ADGRL4: variants seen among roughly 807,000 people sequenced by gnomAD.
ADGRL4 encodes the protein adhesion G protein-coupled receptor L4.
ADGRL4 carries 90 observed loss-of-function variants against 74.8 expected under a neutral mutation model. The observed-to-expected ratio is 1.20, with a 90% CI of 1.02 to 1.43. ADGRL4 has a LOEUF of 1.43. ADGRL4 is among the 40% of genes most tolerant of loss of function. The pLI is 0.00. For missense variants in ADGRL4, 881 were observed against 814.3 expected (o/e 1.08, Z -1.00); for synonymous variants, 311 against 279.2 (o/e 1.11, Z -1.14).
rs1032280430 is a variant in ADGRL4, at chr1:79,006,648, G to A, written c.7C>T (p.Arg3Cys). MK[R>C]LPLLVVFSTL... ...GAGCACTCACCTAGGAGCGGGAGGCGTTTCATTGGCGGTGGCCGCAGTGGT... is the reference window on the plus strand; with the variant it reads ...GAGCACTCACCTAGGAGCGGGAGGCATTTCATTGGCGGTGGCCGCAGTGGT... Residue 3 changes from arginine to cysteine, a missense_variant, in exon 1 of 15, where the codon CGC becomes TGC. Coordinates refer to ENST00000370742, the MANE Select transcript of ADGRL4 (RefSeq NM_022159.4). The A allele has an allele frequency of 2.0e-6, 3 of 1,515,572 alleles. 1 individual carries two copies. The highest frequency in any genetic ancestry group is 2.5e-5 in the South Asian group (2 of 80,242). The allele number at this position is 1,515,572 out of a possible 1,614,324, so 93.9% of individuals were successfully genotyped here. A position where few individuals can be genotyped will look rare whatever the true frequency, so the allele number is the denominator to read the frequency against.
chr1:78,892,575 A>T (rs1648306031), intron 13 of ADGRL4, among the ~76,000 whole-genome samples: 1 of 152,156 alleles, frequency 6.6e-6, no homozygotes, highest in Admixed American at 6.6e-5. Flanking sequence ...ACATTTATTA[A>T]ATCCCAACTA....
rs575214490 is a variant in ADGRL4 at position 78,929,661 on chromosome 1, G to T, written c.878-2570C>A. Among the ~76,000 whole-genome samples the T allele has an allele frequency of 2.0e-5, 3 of 151,576 alleles. No homozygotes were observed. The South Asian group carries it at 6.2e-4, about 31-fold the overall frequency. On this transcript the variant is annotated intron_variant, in intron 7 of 14. Coordinates refer to ENST00000370742, the MANE Select transcript of ADGRL4 (RefSeq NM_022159.4). ...AAATACTTGCAGACATCATTGAGAG[G>T]GTTTGATCAATGTGTTAGATTTGTC...
intron 2 of ADGRL4, among the ~76,000 whole-genome samples, chr1:78,963,301 T>C (rs930972157): frequency 6.6e-6 from 1 of 152,172 alleles, no homozygotes; most frequent in African/African-American, 2.4e-5. Context: ...GTATAATAGG[T>C]AATCAAAAAT....
intron 2 of ADGRL4, among the ~76,000 whole-genome samples, chr1:78,986,555 A>G (rs1015647091): frequency 5.3e-5 from 8 of 151,776 alleles, no homozygotes; most frequent in African/African-American, 1.9e-4. Context: ...AGGCTGAAGT[A>G]AGCTATGGTT....
intron 2 of ADGRL4, among the ~76,000 whole-genome samples, chr1:78,999,000 AT>A (rs556944803): frequency 1.4e-3 from 218 of 152,264 alleles, no homozygotes; most frequent in Middle Eastern, 6.8e-3. Context: ...TCAATATATA[AT>A]TTTTTTATTA....
intron 12 of ADGRL4, among the ~76,000 whole-genome samples, chr1:78,904,260 T>C (rs1648583564): frequency 6.6e-6 from 1 of 152,070 alleles, no homozygotes; most frequent in African/African-American, 2.4e-5. Flanking sequence ...ACAGATTTAA[T>C]GTATTTTTGA....
intron 2 of ADGRL4, among the ~76,000 whole-genome samples, chr1:78,979,080 T>A (rs1570268536): frequency 1.3e-5 from 2 of 151,948 alleles, no homozygotes; most frequent in Admixed American, 1.3e-4. Flanking sequence ...TCCTGCATGA[T>A]TCTCTCCCTA....
At chr1:78,915,545 T>C (rs983918118) in intron 12 of ADGRL4, among the ~76,000 whole-genome samples, 1 of 151,980 alleles carries the variant, frequency 6.6e-6, no homozygotes, top group South Asian at 2.1e-4. Context: ...TAGAGAACAT[T>C]GTCCTCCCCT....
intron 7 of ADGRL4, among the ~76,000 whole-genome samples, chr1:78,930,163 T>A (rs559218014): frequency 5.3e-4 from 81 of 151,552 alleles, no homozygotes; most frequent in Admixed American, 1.2e-3. Context: ...CATATGTGTG[T>A]TGAGGTATAT....
chr1:78,900,458 A>T (rs1047914732), intron 12 of ADGRL4, among the ~76,000 whole-genome samples: 4 of 152,184 alleles, frequency 2.6e-5, no homozygotes, highest in African/African-American at 7.2e-5. Flanking sequence ...AATCTAATAT[A>T]GGGAGAAATA....
chr1:79,003,179 A>G (rs1041752905), intron 2 of ADGRL4, among the ~76,000 whole-genome samples: 1 of 152,054 alleles, frequency 6.6e-6, no homozygotes, highest in Non-Finnish European at 1.5e-5. Context: ...CAAGAATCTT[A>G]AAACTCAAAA....
At chr1:78,903,978 T>TAAATA (rs1195658883) in intron 12 of ADGRL4, among the ~76,000 whole-genome samples, 4 of 133,510 alleles carry the variant, frequency 3.0e-5, no homozygotes, top group Admixed American at 2.9e-4. Context: ...AATAAATAAA[T>TAAATA]AATAATAATA....
Position 78,917,855 on chromosome 1 carries a change from A to G in ADGRL4, c.1657T>C (p.Tyr553His). 1 of 1,612,700 alleles carries G rather than the reference A, an allele frequency of 6.2e-7. No individual in the cohort carries two copies. The highest frequency in any genetic ancestry group is 8.5e-7 in the Non-Finnish European group (1 of 1,179,074). Residue 553 changes from tyrosine to histidine, a missense_variant, in exon 11 of 15, where the codon TAC becomes CAC. Transcript: ENST00000370742. ...ACTTTGGTTGTGCCATAATATCTGT[A>G]TCCTAGTGCTGCCGAAAATCCAACT... ...VVVGFSAALG[Y>H]RYYGTTKVCW... is the part of the protein sequence containing the mutation.
At chr1:78,935,207 T>C (rs185421479) in intron 7 of ADGRL4, among the ~76,000 whole-genome samples, 1 of 152,260 alleles carries the variant, frequency 6.6e-6, no homozygotes, top group Non-Finnish European at 1.5e-5. Context: ...ATATACACCA[T>C]GAAAAACTAT....
At chr1:78,936,188 T>C in intron 7 of ADGRL4, 107 bp downstream of exon 7, 1 of 1,208,372 alleles carries the variant, frequency 8.3e-7, no homozygotes. Context: ...ATCAAATGTT[T>C]TTATAGGAAA....
chr1:78,903,958 TAAATAAATAAATAAATA>T (rs1272282505), intron 12 of ADGRL4, among the ~76,000 whole-genome samples: 185 of 137,864 alleles, frequency 1.3e-3, no homozygotes, highest in Non-Finnish European at 2.3e-3. Flanking sequence ...AATAAATAAA[TAAATAAATAAATAAATA>T]AATAATAATA....
At chr1:78,982,659 G>C (rs79485189) in intron 2 of ADGRL4, among the ~76,000 whole-genome samples, 2,243 of 151,904 alleles carry the variant, frequency 0.015, 58 homozygotes, top group African/African-American at 0.052. Flanking sequence ...AAAACATCTA[G>C]AAATGCTAGA....
chr1:78,905,612 A>G (rs1209267932), intron 12 of ADGRL4, among the ~76,000 whole-genome samples: 2 of 152,036 alleles, frequency 1.3e-5, no homozygotes, highest in South Asian at 2.1e-4. Context: ...ATTTACAAAA[A>G]CAAGCCATGC....
chr1:78,974,766 T>C (rs1000839363), intron 2 of ADGRL4, among the ~76,000 whole-genome samples: 1 of 152,192 alleles, frequency 6.6e-6, no homozygotes, highest in Non-Finnish European at 1.5e-5. Flanking sequence ...ATTGAATCTT[T>C]CTCATATCAC....
Sources: allele counts gnomAD v4.1 joint callset (sites outside exome capture counted in the v4.1 genomes callset), GRCh38; gene constraint gnomAD v4.1.1; transcripts MANE v1.5; gene names NCBI Gene and HGNC (gene_info 2026-07-23, HGNC 2026-07-21).